The following SUMF1 variants were observed in gnomAD, a reference collection of about 807,000 sequenced individuals.
The protein encoded by SUMF1 is sulfatase modifying factor 1.
A neutral mutation model predicts 47.6 loss-of-function variants in SUMF1; 48 were observed. The observed-to-expected ratio is 1.01, with a 90% CI of 0.80 to 1.28. The LOEUF (loss-of-function observed/expected upper bound fraction) is 1.28, where lower values mean the gene tolerates loss of function less well. Among genes scored for constraint, SUMF1 ranks in the 50% most tolerant of loss-of-function variants. The pLI, the probability that SUMF1 is intolerant of heterozygous loss-of-function variation, is 0.00. For synonymous variants in SUMF1, 230 were observed against 192.1 expected (o/e 1.20, Z -1.63); for missense variants, 571 against 485.4 (o/e 1.18, Z -1.66).
At chr3:4,074,942 T>C (rs1461762963) in intron 8 of SUMF1, among the ~76,000 whole-genome samples, 1 of 152,066 alleles carries the variant, frequency 6.6e-6, no homozygotes, top group African/African-American at 2.4e-5. Context: ...CCATTCCTTC[T>C]GAAACTATTC....
At chr3:4,182,443 C>T (rs1695116225) in intron 8 of SUMF1, among the ~76,000 whole-genome samples, 1 of 149,972 alleles carries the variant, frequency 6.7e-6, no homozygotes, top group Admixed American at 6.7e-5. Flanking sequence ...TATATTACTT[C>T]CCCTCTTTTC....
At position 4,134,458 on chromosome 3, in the gene SUMF1, C is replaced by T. The variant is rs566898143; in HGVS notation, c.1015-65713G>A. On this transcript the variant is annotated intron_variant and NMD_transcript_variant, in intron 8 of 12. Coordinates refer to the SUMF1 transcript ENST00000448413. ...ACAACATACCAGAATCTCTGGGACA[C>T]ATTCAAAGCAGTGTGTAGAGGGAAA... is the stretch of plus-strand genomic sequence containing the variant. Among the ~76,000 whole-genome samples the T allele has an allele frequency of 4.0e-3, 605 of 152,246 alleles. 6 individuals are homozygous for T. The highest frequency in any genetic ancestry group is 0.031 in the Middle Eastern group (9 of 294).
downstream of SUMF1, among the ~76,000 whole-genome samples, chr3:4,357,577 T>TTTTATTTA (rs58387595): frequency 0.032 from 4,433 of 138,726 alleles, 88 homozygotes; most frequent in South Asian, 0.047. Context: ...CCCAACCAAC[T>TTTTATTTA]TTTATTTATT....
intron 8 of SUMF1, among the ~76,000 whole-genome samples, chr3:4,260,914 C>T (rs927746090): frequency 1.3e-5 from 2 of 152,086 alleles, no homozygotes; most frequent in Non-Finnish European, 2.9e-5. Flanking sequence ...GTAACGAATT[C>T]TCCTGCAGAC....
At chr3:4,133,419 A>T (rs1238073947) in intron 8 of SUMF1, among the ~76,000 whole-genome samples, 2 of 152,126 alleles carry the variant, frequency 1.3e-5, no homozygotes, top group Non-Finnish European at 2.9e-5. Context: ...TGAACTTGTG[A>T]TAGTTAATAC....
intron 9 of SUMF1, among the ~76,000 whole-genome samples, chr3:4,062,017 C>T (rs1349015509): frequency 6.6e-6 from 1 of 152,046 alleles, no homozygotes; most frequent in Non-Finnish European, 1.5e-5. Flanking sequence ...GTATTTACCT[C>T]TCCTCTAATA....
intron 8 of SUMF1, among the ~76,000 whole-genome samples, chr3:4,374,763 T>C (rs578047027): frequency 5.3e-5 from 8 of 152,304 alleles, no homozygotes; most frequent in South Asian, 4.1e-4. Context: ...TTTGTAGCAA[T>C]AACTTCAAAT....
intron 8 of SUMF1, among the ~76,000 whole-genome samples, chr3:4,290,747 T>C (rs970314408): frequency 3.3e-5 from 5 of 152,204 alleles, no homozygotes; most frequent in African/African-American, 1.2e-4. Flanking sequence ...TCTCCCCTGC[T>C]AGACTGTAGG....
chr3:4,067,721 A>G (rs570612737), intron 9 of SUMF1, among the ~76,000 whole-genome samples: 1 of 152,238 alleles, frequency 6.6e-6, no homozygotes, highest in South Asian at 2.1e-4. Context: ...CCATTCATAT[A>G]CTTTTCTCCC....
At chr3:4,398,649 T>TA (rs1175637439) in intron 7 of SUMF1, among the ~76,000 whole-genome samples, 3 of 152,152 alleles carry the variant, frequency 2.0e-5, no homozygotes, top group Non-Finnish European at 2.9e-5. Context: ...AAAAATAATT[T>TA]AATGGAAATA....
At chr3:4,286,703 A>T (rs1050902412) in intron 8 of SUMF1, among the ~76,000 whole-genome samples, 2 of 152,176 alleles carry the variant, frequency 1.3e-5, no homozygotes, top group Non-Finnish European at 2.9e-5. Context: ...AATAAGTTCA[A>T]AGATGTTTTA....
chr3:4,147,996 T>C lies in SUMF1; in HGVS notation c.1015-79251A>G, dbSNP rs1274270135. 3.3e-5 allele frequency among the ~76,000 whole-genome samples: 5 copies of C among 152,128 alleles called. No individual in the cohort carries two copies. In the South Asian group the frequency reaches 6.2e-4, roughly 19 times the overall value. On this transcript the variant is annotated intron_variant and NMD_transcript_variant, in intron 8 of 12. Coordinates refer to the SUMF1 transcript ENST00000448413. ...CACATTTAGCTCTATTCAGGGAAATTGAGGGTGCATGAAATATAAGCTTCC... is the reference window on the plus strand; with the variant it reads ...CACATTTAGCTCTATTCAGGGAAATCGAGGGTGCATGAAATATAAGCTTCC...
chr3:4,364,866 C>G (rs1431575085), intron 8 of SUMF1, among the ~76,000 whole-genome samples: 1 of 151,000 alleles, frequency 6.6e-6, no homozygotes, highest in African/African-American at 2.4e-5. Flanking sequence ...GCATTTAGTG[C>G]TATAAATTTC....
chr3:4,289,615 T>A (rs991554735), intron 8 of SUMF1, among the ~76,000 whole-genome samples: 1 of 152,186 alleles, frequency 6.6e-6, no homozygotes, highest in African/African-American at 2.4e-5. Context: ...ACCCCCTCCA[T>A]ACTCACCCTC....
chr3:4,206,234 T>C (rs1695650219), intron 8 of SUMF1, among the ~76,000 whole-genome samples: 1 of 151,430 alleles, frequency 6.6e-6, no homozygotes, highest in Non-Finnish European at 1.5e-5. Flanking sequence ...TGGGGAAGGG[T>C]GACACAAACA....
At chr3:4,407,464 C>T (rs9863772) in intron 7 of SUMF1, among the ~76,000 whole-genome samples, 4,806 of 152,178 alleles carry the variant, frequency 0.032, 128 homozygotes, top group African/African-American at 0.074. Context: ...TGGTTGTAAA[C>T]GTTCCCTGAA....
At chr3:4,313,197 A>T in intron 8 of SUMF1, 1 of 1,613,984 alleles carries the variant, frequency 6.2e-7, no homozygotes, top group Non-Finnish European at 8.5e-7. Context: ...AAGGCTGGGG[A>T]CTTCGTACCT....
At chr3:4,341,654 T>C (rs1699275358) in intron 8 of SUMF1, among the ~76,000 whole-genome samples, 1 of 152,226 alleles carries the variant, frequency 6.6e-6, no homozygotes, top group Admixed American at 6.5e-5. Context: ...CAAGCATTTA[T>C]AAGTCATTTG....
At position 4,457,780 on chromosome 3, in the gene SUMF1, T is replaced by C. The variant is rs544491331; in HGVS notation, c.271-4731A>G. 5.9e-5 allele frequency among the ~76,000 whole-genome samples: 9 copies of C among 152,244 alleles called. No homozygotes were observed. The South Asian group carries it at 1.0e-3, about 18-fold the overall frequency. On this transcript the variant is annotated intron_variant, in intron 1 of 8. Transcript: ENST00000272902. ...GACTTAAATGTACAGTCTGAAACTGTAAAACTACTAGAAGAAAACATTGGG... is the reference window on the plus strand; with the variant it reads ...GACTTAAATGTACAGTCTGAAACTGCAAAACTACTAGAAGAAAACATTGGG...
Sources: allele counts gnomAD v4.1 joint callset (sites outside exome capture counted in the v4.1 genomes callset), GRCh38; gene constraint gnomAD v4.1.1; transcripts MANE v1.5; gene names NCBI Gene and HGNC (gene_info 2026-07-23, HGNC 2026-07-21).